The following GRIK4 variants were observed in gnomAD, a reference collection of about 807,000 sequenced individuals.
GRIK4 encodes the protein glutamate receptor ionotropic, kainate 4.
GRIK4 carries 40 observed loss-of-function variants against 104.9 expected under a neutral mutation model. The observed-to-expected ratio is 0.38, with a 90% CI of 0.30 to 0.50. The LOEUF is 0.50. Ranked by LOEUF, GRIK4 falls within the 20% of genes least tolerant of loss-of-function variation. GRIK4 has a pLI of 0.93. For synonymous variants in GRIK4, 485 were observed against 524.9 expected (o/e 0.92, Z 1.04); for missense variants, 1,047 against 1,308.1 (o/e 0.80, Z 3.08).
chr11:120,737,580 A>T (rs1411100289), intron 3 of GRIK4, among the ~76,000 whole-genome samples: 1 of 152,214 alleles, frequency 6.6e-6, no homozygotes, highest in Non-Finnish European at 1.5e-5. Context: ...AATAAATTGT[A>T]AGGAAAGGAA....
chr11:120,953,742 G>A lies in GRIK4; in HGVS notation c.1700+778G>A, dbSNP rs1212505076. Among the ~76,000 whole-genome samples the A allele has an allele frequency of 6.6e-6, 1 of 152,152 alleles. No homozygotes were observed. Among genetic ancestry groups the A allele is most frequent in the African/African-American group, 2.4e-5 (1 of 41,438 alleles). ...CACAGCAAAGGTAGTTTCGCTCCAGGCCAAGGCTGTTGGGCCAGCCTGAGC... is the reference window on the plus strand; with the variant it reads ...CACAGCAAAGGTAGTTTCGCTCCAGACCAAGGCTGTTGGGCCAGCCTGAGC... On this transcript the variant is annotated intron_variant, in intron 15 of 20. Coordinates refer to ENST00000527524, the MANE Select transcript of GRIK4 (RefSeq NM_014619.5). This position sits in a 1 kb window ranked among gnomAD's most constrained non-coding sequence, Gnocchi z 4.9.
intron 2 of GRIK4, among the ~76,000 whole-genome samples, chr11:120,655,415 G>A (rs1591773020): frequency 1.3e-5 from 2 of 152,114 alleles, no homozygotes; most frequent in South Asian, 4.1e-4. Flanking sequence ...GTAGGGACAG[G>A]TGAGCAAAGC....
chr11:120,564,824 GGC>G (rs141561176), intron 1 of GRIK4: 42,181 of 152,308 alleles, frequency 0.28, 7,586 homozygotes, highest in Non-Finnish European at 0.41. Flanking sequence ...CGCGTGGGCC[GGC>G]GGGCAGTGCG....
chr11:120,790,941 A>T (rs1952382016), intron 3 of GRIK4, among the ~76,000 whole-genome samples: 2 of 152,182 alleles, frequency 1.3e-5, no homozygotes, highest in South Asian at 4.1e-4. Context: ...CCAATTCAAT[A>T]AAAAGATAAT....
intron 4 of GRIK4, among the ~76,000 whole-genome samples, chr11:120,811,377 A>G (rs975136208): frequency 6.6e-6 from 1 of 152,196 alleles, no homozygotes; most frequent in African/African-American, 2.4e-5. Flanking sequence ...TTTGCTGGGG[A>G]TGGCTGTGCG....
intron 1 of GRIK4, among the ~76,000 whole-genome samples, chr11:120,588,591 G>A (rs1948697739): frequency 3.3e-5 from 5 of 152,082 alleles, no homozygotes; most frequent in African/African-American, 4.8e-5. Context: ...GGTGGCTGCC[G>A]GGAGGCATCC....
intron 3 of GRIK4, among the ~76,000 whole-genome samples, chr11:120,720,976 C>T (rs1430766325): frequency 1.8e-5 from 2 of 111,614 alleles, no homozygotes; most frequent in African/African-American, 6.3e-5. Flanking sequence ...TGTTCATTCA[C>T]GTATTCATTC....
intron 18 of GRIK4, among the ~76,000 whole-genome samples, chr11:120,963,756 G>A (rs1433476694): frequency 6.6e-6 from 1 of 152,128 alleles, no homozygotes; most frequent in Admixed American, 6.5e-5. Flanking sequence ...GGCAGACCCC[G>A]GGATGTGTTC....
At chr11:120,876,952 T>C (rs1351512216) in intron 11 of GRIK4, among the ~76,000 whole-genome samples, 1 of 152,212 alleles carries the variant, frequency 6.6e-6, no homozygotes, top group Non-Finnish European at 1.5e-5. Flanking sequence ...GGTCCCAGCA[T>C]CTGAGAGGCT....
chr11:120,744,593 T>C (rs1360671218), intron 3 of GRIK4, among the ~76,000 whole-genome samples: 5 of 152,088 alleles, frequency 3.3e-5, no homozygotes, highest in Admixed American at 6.5e-5. Flanking sequence ...GAGTGTTCCC[T>C]TTCTTGGAAG....
At chr11:120,572,442 C>A (rs1441178566) in intron 1 of GRIK4, among the ~76,000 whole-genome samples, 1 of 152,158 alleles carries the variant, frequency 6.6e-6, no homozygotes, top group East Asian at 1.9e-4. Context: ...CCTGAAGTCC[C>A]TTACAACTTG....
At chr11:120,849,074 C>A (rs536505507) in intron 8 of GRIK4, among the ~76,000 whole-genome samples, 1 of 152,122 alleles carries the variant, frequency 6.6e-6, no homozygotes, top group African/African-American at 2.4e-5. Flanking sequence ...ATAAGTCCCA[C>A]GGGGCTCCCA....
chr11:120,957,625 G>GTGTATA lies in GRIK4; in HGVS notation c.1874+673_1874+674insGTATAT, dbSNP rs375508071. On this transcript the variant is annotated intron_variant, in intron 16 of 20. Transcript: ENST00000527524. ...TGTGTGTGTGTGTGTGTGTGTGTGTGTAGCCTAGAGAGGCAAGTTTGCAGA... is the reference window on the plus strand; with the variant it reads ...TGTGTGTGTGTGTGTGTGTGTGTGTGTGTATATAGCCTAGAGAGGCAAGTTTGCAGA... 9.7e-5 allele frequency among the ~76,000 whole-genome samples: 14 copies of GTGTATA among 144,518 alleles called. 1 individual carries two copies. Among genetic ancestry groups the GTGTATA allele is most frequent in the African/African-American group, 3.6e-4 (14 of 38,492 alleles). 94.8% of individuals were successfully genotyped at this position (144,518 alleles called of 152,430 possible). A position where few individuals can be genotyped will look rare whatever the true frequency, so the allele number is the denominator to read the frequency against.
chr11:120,597,475 C>A (rs771793081), intron 1 of GRIK4, among the ~76,000 whole-genome samples: 2 of 152,202 alleles, frequency 1.3e-5, no homozygotes, highest in Non-Finnish European at 2.9e-5. Flanking sequence ...GTTCTCTGAC[C>A]GAGCCCCGGG....
intron 3 of GRIK4, among the ~76,000 whole-genome samples, chr11:120,801,913 C>A (rs1952628040): frequency 6.6e-6 from 1 of 152,198 alleles, no homozygotes; most frequent in South Asian, 2.1e-4. Flanking sequence ...AGGGCTGCAG[C>A]TGGGACTGGA....
At chr11:120,769,311 C>T (rs1345564049) in intron 3 of GRIK4, among the ~76,000 whole-genome samples, 1 of 151,942 alleles carries the variant, frequency 6.6e-6, no homozygotes, top group African/African-American at 2.4e-5. Context: ...GGTTGTTCAG[C>T]CTCTAGGTTG....
At chr11:120,518,603 T>C (rs898310658) in intron 1 of GRIK4, among the ~76,000 whole-genome samples, 11 of 152,254 alleles carry the variant, frequency 7.2e-5, no homozygotes, top group African/African-American at 2.6e-4. Flanking sequence ...GGCTCCAGGC[T>C]TCCCAGCCTG....
chr11:120,881,076 A>G (rs1592030804), intron 11 of GRIK4, among the ~76,000 whole-genome samples: 1 of 152,130 alleles, frequency 6.6e-6, no homozygotes, highest in East Asian at 1.9e-4. Context: ...ATCTCTCACC[A>G]CTAGTGCTTT....
intron 13 of GRIK4, among the ~76,000 whole-genome samples, chr11:120,928,697 T>C (rs976216560): frequency 1.3e-5 from 2 of 152,174 alleles, no homozygotes; most frequent in Non-Finnish European, 2.9e-5. Flanking sequence ...TATAGGCCAA[T>C]AACACAGCCC....
Sources: allele counts gnomAD v4.1 joint callset (sites outside exome capture counted in the v4.1 genomes callset), GRCh38; gene constraint gnomAD v4.1.1; non-coding constraint Gnocchi (gnomAD v3.1); transcripts MANE v1.5; gene names NCBI Gene and HGNC (gene_info 2026-07-23, HGNC 2026-07-21).